The following ALAS1 variants were observed in gnomAD, a reference collection of about 807,000 sequenced individuals.
ALAS1 encodes the protein 5-aminolevulinate synthase, non-specific, mitochondrial.
ALAS1 carries 29 observed loss-of-function variants against 59.6 expected under a neutral mutation model. That is an observed-to-expected ratio of 0.49 (90% CI 0.36 to 0.66). The LOEUF is 0.66. ALAS1 is among the 30% of genes least tolerant of loss of function. ALAS1 has a pLI of 0.00. For synonymous variants in ALAS1, 299 were observed against 296.6 expected, an observed-to-expected ratio of 1.01 and a Z score of -0.08; for missense variants, 690 against 807.5, an observed-to-expected ratio of 0.85 and a Z score of 1.76.
In ALAS1 at chr3:52,208,078, C is replaced by G; in HGVS notation, c.1166-5C>G. On this transcript the variant is annotated splice_polypyrimidine_tract_variant and splice_region_variant and intron_variant, in intron 8 of 11. Coordinates refer to ENST00000484952, the MANE Select transcript of ALAS1 (RefSeq NM_000688.6). ...TCTTCAGAGCAGTCTCTGGTCTTTC[C>G]TCAGGGGCGGTGTGCCCACTGGAAG... 3.2e-6 allele frequency: 5 copies of G among 1,553,148 alleles called. No homozygotes were observed. Among genetic ancestry groups the G allele is most frequent in the Non-Finnish European group, 4.3e-6 (5 of 1,153,350 alleles).
chr3:52,201,789 A>G (rs185228694), intron 3 of ALAS1, among the ~76,000 whole-genome samples: 31 of 152,292 alleles, frequency 2.0e-4, no homozygotes, highest in African/African-American at 7.5e-4. Context: ...TAGCAGAGAA[A>G]AAAATGTGTG....
At chr3:52,198,635 CA>C in intron 1 of ALAS1, 36 bp from the exon 2 acceptor site, 1 of 653,410 alleles carries the variant, frequency 1.5e-6, no homozygotes, top group South Asian at 1.8e-5. Flanking sequence ...CGCTGGCCCT[CA>C]TACCCCTACC....
At chr3:52,207,971 A>T in intron 8 of ALAS1, 112 bp from the exon 9 acceptor site, 1 of 1,128,710 alleles carries the variant, frequency 8.9e-7, no homozygotes, top group Non-Finnish European at 1.2e-6. Context: ...TTTTCTTTCC[A>T]ATATTGAAAA....
Position 52,205,984 on chromosome 3 carries a change from A to C in ALAS1, c.946A>C (p.Asn316His). 1 of 1,614,050 alleles carries C rather than the reference A, an allele frequency of 6.2e-7. No individual in the cohort carries two copies. The highest frequency in any genetic ancestry group is 8.5e-7 in the Non-Finnish European group (1 of 1,179,956). Residue 316 changes from asparagine to histidine, a missense_variant, in exon 7 of 12, where the codon AAT becomes CAT. By Grantham distance (68) the Asn-to-His change is moderately conservative. Coordinates refer to ENST00000484952, the MANE Select transcript of ALAS1 (RefSeq NM_000688.6). The part of the protein sequence containing the change: ...ALLFSSCFVA[N>H]DSTLFTLAKM... ...CTTGTTTTCCTCGTGCTTTGTGGCC[A>C]ATGACTCAACCCTCTTCACCCTGGC...
chr3:52,207,065 G>A (rs573698006), intron 8 of ALAS1, among the ~76,000 whole-genome samples: 78 of 148,590 alleles, frequency 5.2e-4, no homozygotes, highest in East Asian at 2.8e-3. Flanking sequence ...GTGCAGTGGC[G>A]TGATCTCGGC....
At position 52,214,220 on chromosome 3, in the gene ALAS1, C is replaced by T. The variant is rs774794269; in HGVS notation, c.*40C>T. 2.6e-6 allele frequency: 4 copies of T among 1,535,498 alleles called. No homozygotes were observed. Among genetic ancestry groups the T allele is most frequent in the Non-Finnish European group, 3.6e-6 (4 of 1,124,344 alleles). ...ATTTCACTTAACCCCAGGCCATTAT[C>T]ATATCCAGATGGTCTTCAGAGTTGT... On this transcript the variant is annotated 3_prime_UTR_variant, in exon 12 of 12. Coordinates refer to ENST00000484952, the MANE Select transcript of ALAS1 (RefSeq NM_000688.6).
chr3:52,206,898 G>A lies in ALAS1; in HGVS notation c.1165+147G>A, dbSNP rs535495485. 1.7e-4 allele frequency: 144 copies of A among 831,562 alleles called. 2 individuals carry two copies. The South Asian group carries it at 2.7e-3, about 15-fold the overall frequency. The allele number at this position is 831,562 out of a possible 1,614,324, so 51.5% of individuals were successfully genotyped here. On this transcript the variant is annotated intron_variant, in intron 8 of 11. Transcript: ENST00000484952. The stretch of plus-strand genomic sequence containing the variant: ...TGCCCAGGCAGGAGTGCAGTGGTGC[G>A]ATCTCGACTCACTGCAAGCTCCGCC...
Position 52,213,986 on chromosome 3 carries a change from C to T in ALAS1, c.1763-34C>T, listed in dbSNP as rs777664259. 7 of 1,574,930 alleles carry T rather than the reference C, an allele frequency of 4.4e-6. No homozygotes were observed. The South Asian group carries it at 5.6e-5, about 13-fold the overall frequency. ...GTTTTCATTTCTCTTGTGTATATTA[C>T]TCCCTTTAATATTTAAAAACTGTTT... On this transcript the variant is annotated intron_variant, in intron 11 of 11. Transcript: ENST00000484952.
At position 52,202,577 on chromosome 3, in the gene ALAS1, G is replaced by C. The variant is rs144563489; in HGVS notation, c.270G>C (p.Gln90His). Residue 90 changes from glutamine to histidine, a missense_variant, in exon 4 of 12, where the codon CAG (glutamine) becomes CAC (histidine). Transcript: ENST00000484952. The stretch of plus-strand genomic sequence containing the variant: ...CCCAGCAGAGTCCAGATGGCACACA[G>C]CTTCCGTCTGGACACCCCTTGCCTG... ...DGSQQSPDGT[Q>H]LPSGHPLPAT... 1.9e-5 allele frequency: 30 copies of C among 1,614,078 alleles called. No individual in the cohort carries two copies. The African/African-American group carries it at 3.7e-4, about 20-fold the overall frequency.
intron 9 of ALAS1, among the ~76,000 whole-genome samples, chr3:52,210,466 A>C (rs1699382459): frequency 6.6e-6 from 1 of 152,174 alleles, no homozygotes; most frequent in African/African-American, 2.4e-5. Flanking sequence ...AACTTTCCTT[A>C]GCTTTTTTAC....
chr3:52,204,011 A>G lies in ALAS1; in HGVS notation c.576A>G (p.Lys192=). ...ATCTTCTTCAAGATAACTTGCCAAA[A>G]TGTAAGTCTCATTGTTATTTGCCTG... is the stretch of plus-strand genomic sequence containing the variant. ...VSHLLQDNLP[K]SVSTFQYDRF... Residue 192 remains lysine, a splice_region_variant and synonymous_variant, in exon 5 of 12, where the codon AAA becomes AAG. Transcript: ENST00000484952. 1 of 1,602,038 alleles carries G rather than the reference A, an allele frequency of 6.2e-7. No individual in the cohort carries two copies. The highest frequency in any genetic ancestry group is 1.3e-5 in the African/African-American group (1 of 74,626).
At chr3:52,212,109 G>A (rs1268761471) in intron 10 of ALAS1, 149 bp from the exon 11 acceptor site, 1 of 700,912 alleles carries the variant, frequency 1.4e-6, no homozygotes, top group Non-Finnish European at 2.4e-6. Context: ...ACAGGTGTTT[G>A]GGCAGCGCTT....
At chr3:52,211,781 C>A (rs898675239) in intron 10 of ALAS1, among the ~76,000 whole-genome samples, 8 of 152,206 alleles carry the variant, frequency 5.3e-5, no homozygotes, top group African/African-American at 1.9e-4. Flanking sequence ...GGAGCACTGA[C>A]CTTAACAGGG....
In ALAS1 at chr3:52,204,908, G is replaced by A. The variant is rs756383757; in HGVS notation, c.793G>A (p.Ala265Thr). The change falls in exon 6 of 12, where the codon GCA becomes ACA. Residue 265 changes from alanine to threonine, a missense_variant. Transcript: ENST00000484952. ...GAGTCGCCACCCACGGGTGTGTGGGGCAGTTATGTAAGTAGCCCTTGGCTT... is the reference window on the plus strand; with the variant it reads ...GAGTCGCCACCCACGGGTGTGTGGGACAGTTATGTAAGTAGCCCTTGGCTT... ...GMSRHPRVCG[A>T]VMDTLKQHGA... 13 of 1,613,536 alleles carry A rather than the reference G, an allele frequency of 8.1e-6. No individual in the cohort carries two copies. The highest frequency in any genetic ancestry group is 1.1e-5 in the Non-Finnish European group (13 of 1,179,570).
In ALAS1 at chr3:52,211,333, A is replaced by G. The variant is rs1699401178; in HGVS notation, c.1381A>G (p.Ile461Val). The change falls in exon 10 of 12, where the codon ATT becomes GTT. Residue 461 changes from isoleucine (I) to valine (V), a missense_variant. Physicochemically the swap from Ile to Val is conservative, Grantham distance 29. Transcript: ENST00000484952. ...GGYIASTSSL[I>V]DTVRSYAAGF... is the part of the protein sequence containing the mutation. Reference sequence around the variant, plus strand: ...GTACATCGCCAGCACGAGTTCTCTGATTGACACCGTACGGTCCTATGCTGC... The same window carrying G: ...GTACATCGCCAGCACGAGTTCTCTGGTTGACACCGTACGGTCCTATGCTGC... The G allele has an allele frequency of 3.7e-6, 6 of 1,614,198 alleles. No homozygotes were observed. In the East Asian group the frequency reaches 1.1e-4, roughly 30 times the overall value.
Position 52,214,303 on chromosome 3 carries a change from G to A in ALAS1, c.*123G>A. The A allele has an allele frequency of 1.1e-6, 1 of 950,562 alleles. No individual in the cohort carries two copies. Among genetic ancestry groups the A allele is most frequent in the Admixed American group, 2.7e-5 (1 of 36,830 alleles). 58.9% of individuals were successfully genotyped at this position (950,562 alleles called of 1,614,324 possible). On this transcript the variant is annotated 3_prime_UTR_variant, in exon 12 of 12. Coordinates refer to ENST00000484952, the MANE Select transcript of ALAS1 (RefSeq NM_000688.6). ...AATCTATAGTAAAAACATAGTCCTG[G>A]AAATAAATTCTTGCTTAAATGGTGG... is the stretch of plus-strand genomic sequence containing the variant.
chr3:52,212,509 T>C lies in ALAS1; in HGVS notation c.1762+89T>C, dbSNP rs775911607. 4.7e-6 allele frequency: 7 copies of C among 1,502,620 alleles called. No individual in the cohort carries two copies. In the African/African-American group the frequency reaches 8.4e-5, roughly 18 times the overall value. 93.1% of individuals were successfully genotyped at this position (1,502,620 alleles called of 1,614,324 possible). A position where few individuals can be genotyped will look rare whatever the true frequency, so the allele number is the denominator to read the frequency against. Reference sequence around the variant, plus strand: ...TTATAATTGAAGCCCTTCAGAGGCATTCAGATTTGTTTCTTCTTCTTTTTT... The same window carrying C: ...TTATAATTGAAGCCCTTCAGAGGCACTCAGATTTGTTTCTTCTTCTTTTTT... On this transcript the variant is annotated intron_variant, in intron 11 of 11. Transcript: ENST00000484952.
At position 52,212,539 on chromosome 3, in the gene ALAS1, T is replaced by TA. The variant is rs754975247; in HGVS notation, c.1762+119_1762+120insA. The TA allele has an allele frequency of 2.0e-3, 2,713 of 1,361,610 alleles. 5 individuals are homozygous for TA. The highest frequency in any genetic ancestry group is 2.5e-3 in the Non-Finnish European group (2,445 of 969,276). The allele number at this position is 1,361,610 out of a possible 1,614,324, so 84.3% of individuals were successfully genotyped here. On this transcript the variant is annotated intron_variant, in intron 11 of 11. Coordinates refer to ENST00000484952, the MANE Select transcript of ALAS1 (RefSeq NM_000688.6). ...ATTTGTTTCTTCTTCTTTTTTTAGT[T>TA]TTTTTTTTGAGACAAGAGTTTCGCT... is the stretch of plus-strand genomic sequence containing the variant.
At chr3:52,199,557 C>T in intron 3 of ALAS1, 117 bp downstream of exon 3, 3 of 961,126 alleles carry the variant, frequency 3.1e-6, no homozygotes, top group Admixed American at 2.6e-5. Flanking sequence ...CTGCTATGTG[C>T]AGGCTGGGCT....
Sources: gnomAD v4.1 joint callset for allele counts (sites outside exome capture counted in the v4.1 genomes callset) on GRCh38, gnomAD v4.1.1 for gene constraint, MANE v1.5 for transcripts, NCBI Gene and HGNC (gene_info 2026-07-23, HGNC 2026-07-21) for gene names.